DOT1L: variants seen among roughly 807,000 people sequenced by gnomAD.
The protein encoded by DOT1L is histone-lysine N-methyltransferase, H3 lysine-79 specific.
Under a neutral mutation model 153.3 loss-of-function variants are expected in DOT1L, and 33 were observed. That is an observed-to-expected ratio of 0.22 (90% CI 0.16 to 0.29). The LOEUF (loss-of-function observed/expected upper bound fraction) is 0.29. Among genes scored for constraint, DOT1L ranks in the 10% least tolerant of loss-of-function variants. The probability of loss-of-function intolerance (pLI) is 1.00; values close to 1 mark genes in which losing one functional copy is unlikely to be tolerated. For synonymous variants in DOT1L, 1,135 were observed against 965.1 expected (o/e 1.18, Z -3.26); for missense variants, 1,847 against 2,119.9 (o/e 0.87, Z 2.53).
intron 1 of DOT1L, among the ~76,000 whole-genome samples, chr19:2,167,712 G>C (rs891693327): frequency 1.7e-4 from 26 of 151,626 alleles, no homozygotes; most frequent in African/African-American, 6.3e-4. Context: ...AGTGAGGGGT[G>C]GTTCTGATTT....
chr19:2,217,454 C>T lies in DOT1L; in HGVS notation c.2545-318C>T, dbSNP rs958023936. ...AGGGATGGAGAGGGAAGGACGGTGA[C>T]GTTGCATGGACTTGGCAGTGATGGA... On this transcript the variant is annotated intron_variant, in intron 21 of 27. Transcript: ENST00000398665. The surrounding 1 kb of genome is among the most constrained non-coding windows in gnomAD (Gnocchi z 7.3). Among the ~76,000 whole-genome samples the T allele has an allele frequency of 1.3e-5, 2 of 152,152 alleles. No individual in the cohort carries two copies. The highest frequency in any genetic ancestry group is 2.4e-5 in the African/African-American group (1 of 41,428).
intron 25 of DOT1L, 114 bp from the exon 26 acceptor site, chr19:2,225,274 G>T (rs556514524): frequency 5.7e-5 from 60 of 1,045,684 alleles, no homozygotes; most frequent in East Asian, 5.0e-4. Flanking sequence ...TGTCTGGGCC[G>T]AGTGCTTCTC....
In DOT1L at chr19:2,222,773, G is replaced by T; in HGVS notation, c.3390+214G>T. On this transcript the variant is annotated intron_variant, in intron 24 of 27. Coordinates refer to ENST00000398665, the MANE Select transcript of DOT1L (RefSeq NM_032482.3). This position sits in a 1 kb window ranked among gnomAD's most constrained non-coding sequence, Gnocchi z 6.5. Reference sequence around the variant, plus strand: ...AGATTAGCCGGGCGTGGTGGCGGGTGCCTGGGAGGCTGAGGCAGGAGAATG... The same window carrying T: ...AGATTAGCCGGGCGTGGTGGCGGGTTCCTGGGAGGCTGAGGCAGGAGAATG... 1.8e-6 allele frequency: 1 copy of T among 560,070 alleles called. No individual in the cohort carries two copies. The highest frequency in any genetic ancestry group is 3.1e-6 in the Non-Finnish European group (1 of 327,064). The allele number at this position is 560,070 out of a possible 1,614,324, so 34.7% of individuals were successfully genotyped here.
chr19:2,228,797 G>A (rs1228148407), intron 27 of DOT1L: 7 of 985,300 alleles, frequency 7.1e-6, no homozygotes, highest in South Asian at 4.7e-5. Flanking sequence ...TTCCCCAGGC[G>A]CCCAGCATGT....
rs987615707 is a variant in DOT1L at position 2,207,176 on chromosome 19, G to A, written c.856+379G>A. On this transcript the variant is annotated intron_variant, in intron 10 of 27. Coordinates refer to ENST00000398665, the MANE Select transcript of DOT1L (RefSeq NM_032482.3). The surrounding 1 kb of genome is among the most constrained non-coding windows in gnomAD (Gnocchi z 4.5). Reference sequence around the variant, plus strand: ...CCCCCTGCCTGCCTTACTGTGCTGCGTGCTCTGTCAGCTCCCAGCCTTGCG... The same window carrying A: ...CCCCCTGCCTGCCTTACTGTGCTGCATGCTCTGTCAGCTCCCAGCCTTGCG... Among the ~76,000 whole-genome samples, 41 of 152,216 alleles carry A rather than the reference G, an allele frequency of 2.7e-4. No homozygotes were observed. Among genetic ancestry groups the A allele is most frequent in the South Asian group, 2.1e-4 (1 of 4,834 alleles).
rs754492029 is a variant in DOT1L, at chr19:2,207,623, G to A, written c.906G>A (p.Ser302=). The A allele has an allele frequency of 5.0e-6, 8 of 1,612,628 alleles. No individual in the cohort carries two copies. Among genetic ancestry groups the A allele is most frequent in the Non-Finnish European group, 6.8e-6 (8 of 1,179,790 alleles). Reference sequence around the variant, plus strand: ...TGGAGCTCTCGCCCCTGAAGGGCTCGGTGTCGTGGACGGGGAAGCCAGTCT... The same window carrying A: ...TGGAGCTCTCGCCCCTGAAGGGCTCAGTGTCGTGGACGGGGAAGCCAGTCT... The part of the protein sequence containing the change: ...RVVELSPLKG[S]VSWTGKPVSY... Residue 302 remains serine (S), a synonymous_variant, in exon 11 of 28, where the codon TCG becomes TCA. Coordinates refer to ENST00000398665, the MANE Select transcript of DOT1L (RefSeq NM_032482.3). This position sits in a 1 kb window ranked among gnomAD's most constrained non-coding sequence, Gnocchi z 4.5.
At chr19:2,196,986 A>C (rs1471071039) in intron 7 of DOT1L, among the ~76,000 whole-genome samples, 1 of 152,060 alleles carries the variant, frequency 6.6e-6, no homozygotes, top group African/African-American at 2.4e-5. Flanking sequence ...CGTTGCTGTG[A>C]TGGGTTTCCA....
At chr19:2,195,369 C>T (rs553540868) in intron 7 of DOT1L, among the ~76,000 whole-genome samples, 5 of 152,166 alleles carry the variant, frequency 3.3e-5, no homozygotes, top group African/African-American at 1.2e-4. Flanking sequence ...CTCCTCCTCA[C>T]AGTCCCAGCT....
At chr19:2,176,220 G>C (rs2021926951) in intron 1 of DOT1L, among the ~76,000 whole-genome samples, 1 of 152,040 alleles carries the variant, frequency 6.6e-6, no homozygotes, top group South Asian at 2.1e-4. Flanking sequence ...CTGTCCCCCA[G>C]CCCTCGGTCC....
Position 2,217,995 on chromosome 19 carries a change from CT to C in DOT1L, c.2691+80del, listed in dbSNP as rs2144878976. On this transcript the variant is annotated intron_variant, in intron 22 of 27. Transcript: ENST00000398665. This position sits in a 1 kb window ranked among gnomAD's most constrained non-coding sequence, Gnocchi z 7.3. The stretch of plus-strand genomic sequence containing the variant: ...TCTGGGGTGCTCGAGACCTGGCTCA[CT>C]TTGCGAAGTCTCACGCTGTAAAATG... The C allele has an allele frequency of 6.5e-7, 1 of 1,542,696 alleles. No homozygotes were observed. Among genetic ancestry groups the C allele is most frequent in the East Asian group, 2.3e-5 (1 of 42,980 alleles).
chr19:2,166,090 T>TGTTAC (rs2019909138), intron 1 of DOT1L, among the ~76,000 whole-genome samples: 1 of 150,350 alleles, frequency 6.7e-6, no homozygotes, highest in Non-Finnish European at 1.5e-5. Flanking sequence ...TGTTATGTTA[T>TGTTAC]GTTATGTTAT....
Position 2,207,706 on chromosome 19 carries a change from G to T in DOT1L, c.963+26G>T. ...GTGAGTATCTCGCTGCGCCTCAGCCGCAGGGCCGTCCTGGTCTTCCACCCC... is the reference window on the plus strand; with the variant it reads ...GTGAGTATCTCGCTGCGCCTCAGCCTCAGGGCCGTCCTGGTCTTCCACCCC... On this transcript the variant is annotated intron_variant, in intron 11 of 27. Coordinates refer to ENST00000398665, the MANE Select transcript of DOT1L (RefSeq NM_032482.3). The surrounding 1 kb of genome is among the most constrained non-coding windows in gnomAD (Gnocchi z 4.5). The T allele has an allele frequency of 1.9e-6, 3 of 1,588,074 alleles. No homozygotes were observed. Among genetic ancestry groups the T allele is most frequent in the Non-Finnish European group, 1.7e-6 (2 of 1,165,682 alleles).
chr19:2,217,685 G>A lies in DOT1L; in HGVS notation c.2545-87G>A, dbSNP rs551529722. ...GCGTGGGGGCCGCCTTGAGAGAGCT[G>A]TAGCAGGCCCCCGTCCTGTGGCTGT... On this transcript the variant is annotated intron_variant, in intron 21 of 27. Transcript: ENST00000398665. This position sits in a 1 kb window ranked among gnomAD's most constrained non-coding sequence, Gnocchi z 7.3. The A allele has an allele frequency of 2.9e-5, 44 of 1,512,210 alleles. No individual in the cohort carries two copies. The South Asian group carries it at 4.1e-4, about 14-fold the overall frequency. The allele number at this position is 1,512,210 out of a possible 1,614,324, so 93.7% of individuals were successfully genotyped here. A position where few individuals can be genotyped will look rare whatever the true frequency, so the allele number is the denominator to read the frequency against.
At position 2,217,225 on chromosome 19, in the gene DOT1L, G is replaced by A; in HGVS notation, c.2544+135G>A. ...TACTGGGGCTGACCTGGAGTAGGAT[G>A]TTGTGGCAGAGTTGGGGGCAACCAG... On this transcript the variant is annotated intron_variant, in intron 21 of 27. Transcript: ENST00000398665. This position sits in a 1 kb window ranked among gnomAD's most constrained non-coding sequence, Gnocchi z 7.3. 1 of 1,295,460 alleles carries A rather than the reference G, an allele frequency of 7.7e-7. No homozygotes were observed. Among genetic ancestry groups the A allele is most frequent in the Non-Finnish European group, 1.0e-6 (1 of 977,502 alleles). The allele number at this position is 1,295,460 out of a possible 1,614,324, so 80.2% of individuals were successfully genotyped here.
intron 12 of DOT1L, among the ~76,000 whole-genome samples, chr19:2,210,068 C>T (rs1348887832): frequency 6.6e-6 from 1 of 152,214 alleles, no homozygotes; most frequent in Non-Finnish European, 1.5e-5. Flanking sequence ...CTTCTAGGTC[C>T]TGCTGCCTGA....
intron 26 of DOT1L, among the ~76,000 whole-genome samples, chr19:2,225,732 G>T (rs1221944005): frequency 6.6e-6 from 1 of 152,204 alleles, no homozygotes; most frequent in African/African-American, 2.4e-5. Flanking sequence ...GACCTGCGGG[G>T]ATCGTCACCT....
chr19:2,183,867 C>T (rs1462075257), intron 2 of DOT1L, among the ~76,000 whole-genome samples: 1 of 152,120 alleles, frequency 6.6e-6, no homozygotes, highest in Non-Finnish European at 1.5e-5. Context: ...CCTCGTGATC[C>T]GCCTGCCTCG....
intron 7 of DOT1L, among the ~76,000 whole-genome samples, chr19:2,199,470 A>T (rs907049384): frequency 6.6e-6 from 1 of 152,176 alleles, no homozygotes; most frequent in Admixed American, 6.5e-5. Context: ...GGAGCCCAGC[A>T]TGGTGGGGAC....
rs1211283676 is a variant in DOT1L at position 2,190,888 on chromosome 19, G to T, written c.265-124G>T. ...GACCTGGGAGCCCGGCAGCCACCCT[G>T]CAGGGGGACGAGAGGCCATGCAGCC... On this transcript the variant is annotated intron_variant, in intron 4 of 27. Transcript: ENST00000398665. The surrounding 1 kb of genome is among the most constrained non-coding windows in gnomAD (Gnocchi z 4.8). The T allele has an allele frequency of 4.5e-6, 4 of 898,614 alleles. No individual in the cohort carries two copies. The highest frequency in any genetic ancestry group is 1.6e-5 in the South Asian group (1 of 62,768). The allele number at this position is 898,614 out of a possible 1,614,324, so 55.7% of individuals were successfully genotyped here. A position where few individuals can be genotyped will look rare whatever the true frequency, so the allele number is the denominator to read the frequency against.
Sources: gnomAD v4.1 joint callset for allele counts (sites outside exome capture counted in the v4.1 genomes callset) on GRCh38, gnomAD v4.1.1 for gene constraint, Gnocchi (gnomAD v3.1) non-coding constraint, MANE v1.5 for transcripts, NCBI Gene and HGNC (gene_info 2026-07-23, HGNC 2026-07-21) for gene names.